Variants in ABCA9 observed in about 807,000 individuals in gnomAD.
ABCA9 encodes ATP binding cassette subfamily A member 9.
ABCA9 carries 183 observed loss-of-function variants against 205.3 expected under a neutral mutation model. The ratio of observed to expected loss-of-function variants is 0.89; its 90% CI spans 0.79 to 1.01. The LOEUF (loss-of-function observed/expected upper bound fraction) is 1.01. Ranked by LOEUF, ABCA9 falls within the 50% of genes least tolerant of loss-of-function variation. The probability of loss-of-function intolerance (pLI) is 0.00; values close to 1 mark genes in which losing one functional copy is unlikely to be tolerated. For synonymous variants in ABCA9, 651 were observed against 683.3 expected (o/e 0.95, Z 0.74); for missense variants, 1,805 against 1,912.4 (o/e 0.94, Z 1.05).
rs185950038 is a variant in ABCA9 at position 69,003,941 on chromosome 17, G to A, written c.3435+3818C>T. Reference sequence around the variant, plus strand: ...CTGAGGCTTCTGCATTCTTCACGTAGTTCTCGAGCCTTGGTTTTCAGCTCT... The same window carrying A: ...CTGAGGCTTCTGCATTCTTCACGTAATTCTCGAGCCTTGGTTTTCAGCTCT... On this transcript the variant is annotated intron_variant, in intron 25 of 38. Coordinates refer to ENST00000340001, the MANE Select transcript of ABCA9 (RefSeq NM_080283.4). 4.9e-3 allele frequency among the ~76,000 whole-genome samples: 744 copies of A among 152,158 alleles called. 1 individual carries two copies. Among genetic ancestry groups the A allele is most frequent in the Middle Eastern group, 0.014 (4 of 294 alleles).
chr17:69,012,841 G>GTATC (rs1392497278), intron 22 of ABCA9, among the ~76,000 whole-genome samples: 6 of 152,110 alleles, frequency 3.9e-5, no homozygotes, highest in African/African-American at 1.2e-4. Flanking sequence ...CATTCTTTCT[G>GTATC]TATCTATTTT....
intron 1 of ABCA9, among the ~76,000 whole-genome samples, chr17:69,057,928 G>T (rs931788327): frequency 1.3e-5 from 2 of 152,102 alleles, no homozygotes; most frequent in Non-Finnish European, 2.9e-5. Flanking sequence ...AGCTAGAGAT[G>T]ATTTAAAGTA....
intron 31 of ABCA9, 93 bp from the exon 32 acceptor site, chr17:68,986,417 A>T (rs2143988406): frequency 7.8e-7 from 1 of 1,276,280 alleles, no homozygotes. Context: ...CCTTCTCTTC[A>T]CACACACAGG....
At chr17:68,981,256 A>G (rs1464782139) in intron 37 of ABCA9, among the ~76,000 whole-genome samples, 1 of 152,178 alleles carries the variant, frequency 6.6e-6, no homozygotes, top group East Asian at 1.9e-4. Flanking sequence ...AATTTATTGT[A>G]TACTTGAAAC....
At chr17:69,001,030 T>C (rs1470891270) in intron 25 of ABCA9, among the ~76,000 whole-genome samples, 1 of 152,052 alleles carries the variant, frequency 6.6e-6, no homozygotes, top group Non-Finnish European at 1.5e-5. Flanking sequence ...GCTGAGACAG[T>C]GGGTTTTCTA....
intron 10 of ABCA9, among the ~76,000 whole-genome samples, chr17:69,031,285 G>A (rs865938397): frequency 2.0e-5 from 3 of 152,126 alleles, no homozygotes; most frequent in Non-Finnish European, 2.9e-5. Flanking sequence ...AAAACTTAGA[G>A]TTCCAGCTTA....
intron 3 of ABCA9, among the ~76,000 whole-genome samples, chr17:69,045,894 TGGGGATTAC>T (rs1423544369): frequency 6.6e-6 from 1 of 152,150 alleles, no homozygotes; most frequent in African/African-American, 2.4e-5. Flanking sequence ...GTGGGGATTA[TGGGGATTAC>T]AATTCAAGAT....
intron 18 of ABCA9, 82 bp from the exon 19 acceptor site, chr17:69,020,668 A>C: frequency 7.6e-7 from 1 of 1,309,204 alleles, no homozygotes. Flanking sequence ...TTTTCCTACA[A>C]AGGTGTCAAA....
rs1228871515 is a variant in ABCA9, at chr17:68,985,071, T to C, written c.4266A>G (p.Ser1422=). 4 of 1,614,220 alleles carry C rather than the reference T, an allele frequency of 2.5e-6. No homozygotes were observed. The highest frequency in any genetic ancestry group is 3.4e-6 in the Non-Finnish European group (4 of 1,180,034). ...CCCGTACCTTTCGCTTTATTCCCTC[T>C]GACAAGGTCTTCACGGGAGCCTTCA... ...DQLKAPVKTL[S]EGIKRKLCFV... Residue 1422 remains serine, a synonymous_variant, in exon 33 of 39, where the codon TCA becomes TCG. Transcript: ENST00000340001.
At chr17:69,014,315 T>C (rs1482783798) in intron 22 of ABCA9, among the ~76,000 whole-genome samples, 1 of 152,112 alleles carries the variant, frequency 6.6e-6, no homozygotes, top group East Asian at 1.9e-4. Context: ...ATTAAAAACA[T>C]TGAATAAAAA....
intron 10 of ABCA9, among the ~76,000 whole-genome samples, chr17:69,030,281 C>T (rs183777798): frequency 4.7e-4 from 71 of 152,244 alleles, no homozygotes; most frequent in African/African-American, 1.7e-3. Context: ...ATAGATTTGG[C>T]TTCTGATGAG....
upstream of ABCA9, chr17:69,061,083 TTGC>T (rs1258709879): frequency 3.0e-6 from 3 of 985,354 alleles, no homozygotes; most frequent in Admixed American, 1.2e-4. Flanking sequence ...GGTGATTTCT[TTGC>T]TGTTTTCCAT....
chr17:68,987,758 G>GTTTTTT, intron 31 of ABCA9, among the ~76,000 whole-genome samples: 1 of 95,494 alleles, frequency 1.0e-5, no homozygotes, highest in African/African-American at 3.2e-5. Flanking sequence ...TTGTTTGTTT[G>GTTTTTT]TTTGTTTGTT....
In ABCA9 at chr17:68,989,236, C is replaced by T. The variant is rs1598337472; in HGVS notation, c.3956-118G>A. 31 of 549,384 alleles carry T rather than the reference C, an allele frequency of 5.6e-5. No homozygotes were observed. In the East Asian group the frequency reaches 8.6e-4, roughly 15 times the overall value. 34.0% of individuals were successfully genotyped at this position (549,384 alleles called of 1,614,324 possible). A position where few individuals can be genotyped will look rare whatever the true frequency, so the allele number is the denominator to read the frequency against. On this transcript the variant is annotated intron_variant, in intron 30 of 38. Transcript: ENST00000340001. ...GAAATGTGCTATATATATTATTTCC[C>T]TTATTCCTCTCTCTCTCTCTCACAC...
chr17:69,059,826 T>G (rs2072183189), intron 1 of ABCA9, among the ~76,000 whole-genome samples: 1 of 152,150 alleles, frequency 6.6e-6, no homozygotes. Context: ...GGGCATGGAC[T>G]TATGTTTAAA....
At chr17:69,008,902 G>T (rs61202746) in intron 23 of ABCA9, among the ~76,000 whole-genome samples, 2,079 of 152,230 alleles carry the variant, frequency 0.014, 39 homozygotes, top group African/African-American at 0.045. Flanking sequence ...AAACAGTAAA[G>T]CATAAAGGCA....
Position 69,018,663 on chromosome 17 carries a change from A to T in ABCA9, c.2601-84T>A, listed in dbSNP as rs143973833. On this transcript the variant is annotated intron_variant, in intron 19 of 38. Coordinates refer to ENST00000340001, the MANE Select transcript of ABCA9 (RefSeq NM_080283.4). ...AGTTTGAAGGTATAATGAATATAAT[A>T]ACAGAAATAAATTATAATCAATAAC... 3.0e-6 allele frequency: 3 copies of T among 1,000,588 alleles called. No individual in the cohort carries two copies. The East Asian group carries it at 8.2e-5, about 27-fold the overall frequency. The allele number at this position is 1,000,588 out of a possible 1,614,324, so 62.0% of individuals were successfully genotyped here.
chr17:69,040,894 C>T (rs577840408), intron 6 of ABCA9, among the ~76,000 whole-genome samples: 5 of 152,140 alleles, frequency 3.3e-5, no homozygotes, highest in African/African-American at 1.2e-4. Flanking sequence ...ACTATCAATG[C>T]CAAATAAACA....
At chr17:69,076,234 G>A in the ABCA9 span, among the ~76,000 whole-genome samples, 1 of 152,194 alleles carries the variant, frequency 6.6e-6, no homozygotes. Context: ...ATGAAGGGAT[G>A]TTGGATTTAA....
Sources: gnomAD v4.1 joint callset for allele counts (sites outside exome capture counted in the v4.1 genomes callset) on GRCh38, gnomAD v4.1.1 for gene constraint, MANE v1.5 for transcripts, NCBI Gene and HGNC (gene_info 2026-07-23, HGNC 2026-07-21) for gene names.